Variants in IGSF11 observed in about 807,000 individuals in gnomAD.
IGSF11 encodes immunoglobulin superfamily member 11, also known as CXADR like 1.
In IGSF11, 22 loss-of-function variants were observed where a neutral mutation model predicts 41.0. That is an observed-to-expected ratio of 0.54 (90% CI 0.38 to 0.77). The LOEUF (loss-of-function observed/expected upper bound fraction) is 0.77. IGSF11 is among the 30% of genes least tolerant of loss of function. The pLI, the probability that IGSF11 is intolerant of heterozygous loss-of-function variation, is 0.00. For missense variants in IGSF11, 444 were observed against 530.8 expected (o/e 0.84, Z 1.61); for synonymous variants, 219 against 201.3 (o/e 1.09, Z -0.74).
chr3:119,003,875 T>C (rs56383459), intron 1 of IGSF11, among the ~76,000 whole-genome samples: 9,623 of 146,874 alleles, frequency 0.066, 408 homozygotes, highest in East Asian at 0.11. Flanking sequence ...CAGTATTTTA[T>C]TGAGGATTTT....
At position 119,034,751 on chromosome 3, in the gene IGSF11, G is replaced by C. The variant is rs1469204192; in HGVS notation, c.-169C>G. ...ACTGTCAGACCCACAGACGAGCCAA[G>C]TGCAGCTGCAGCGCCGCCCGGCTCC... On this transcript the variant is annotated 5_prime_UTR_variant, in exon 1 of 7. Transcript: ENST00000393775. 1.5e-6 allele frequency: 2 copies of C among 1,324,018 alleles called. No homozygotes were observed. The highest frequency in any genetic ancestry group is 3.1e-5 in the African/African-American group (2 of 65,010). The allele number at this position is 1,324,018 out of a possible 1,614,324, so 82.0% of individuals were successfully genotyped here.
upstream of IGSF11, among the ~76,000 whole-genome samples, chr3:119,109,936 T>G (rs147145272): frequency 0.23 from 35,524 of 152,174 alleles, 5,075 homozygotes; most frequent in Middle Eastern, 0.38. Context: ...CTAGTTTGAT[T>G]GCACTGTGGT....
intron 1 of IGSF11, among the ~76,000 whole-genome samples, chr3:119,055,071 CT>C (rs1309130863): frequency 2.0e-5 from 3 of 152,186 alleles, no homozygotes; most frequent in Non-Finnish European, 1.5e-5. Flanking sequence ...CAAACAGGGT[CT>C]GGAGTGGACC....
At chr3:119,081,108 G>A (rs767837340) in intron 1 of IGSF11, among the ~76,000 whole-genome samples, 1 of 152,028 alleles carries the variant, frequency 6.6e-6, no homozygotes, top group African/African-American at 2.4e-5. Flanking sequence ...ACAGCTGATT[G>A]AGCATTTGAC....
chr3:119,085,748 A>T (rs1448991858), intron 1 of IGSF11, among the ~76,000 whole-genome samples: 2 of 152,254 alleles, frequency 1.3e-5, no homozygotes, highest in East Asian at 1.9e-4. Flanking sequence ...GTAATAATAC[A>T]ATCAGAAGTG....
At chr3:118,916,131 G>A (rs1408991251) in intron 4 of IGSF11, among the ~76,000 whole-genome samples, 7 of 150,384 alleles carry the variant, frequency 4.7e-5, no homozygotes, top group Admixed American at 1.3e-4. Context: ...AGGAACAACC[G>A]GTAGCAGCCG....
At chr3:118,988,116 G>A (rs1347671469) in intron 1 of IGSF11, among the ~76,000 whole-genome samples, 1 of 152,152 alleles carries the variant, frequency 6.6e-6, no homozygotes, top group Non-Finnish European at 1.5e-5. Context: ...ACTGGGCCAA[G>A]AGCAGCTAAT....
intron 1 of IGSF11, among the ~76,000 whole-genome samples, chr3:119,124,852 A>G (rs1218400069): frequency 1.3e-5 from 2 of 152,184 alleles, no homozygotes; most frequent in Non-Finnish European, 2.9e-5. Context: ...GACTACCTCA[A>G]GGAGGTAATA....
At chr3:118,964,246 A>G (rs1366705578) in intron 1 of IGSF11, among the ~76,000 whole-genome samples, 2 of 152,174 alleles carry the variant, frequency 1.3e-5, no homozygotes, top group African/African-American at 4.8e-5. Context: ...AGTTTTTAAT[A>G]AAAGAGCAAC....
At chr3:119,087,890 T>C (rs2076702500) in intron 1 of IGSF11, among the ~76,000 whole-genome samples, 1 of 152,142 alleles carries the variant, frequency 6.6e-6, no homozygotes, top group African/African-American at 2.4e-5. Flanking sequence ...ATGCTAAATA[T>C]ATACCCACCC....
chr3:118,994,449 G>A (rs1264250447), intron 1 of IGSF11, among the ~76,000 whole-genome samples: 1 of 152,108 alleles, frequency 6.6e-6, no homozygotes, highest in Non-Finnish European at 1.5e-5. Context: ...TTGAGCCCAG[G>A]AGTTTGAGAC....
At chr3:118,939,972 AAAGAG>A (rs1943564082) in intron 1 of IGSF11, among the ~76,000 whole-genome samples, 1 of 152,206 alleles carries the variant, frequency 6.6e-6, no homozygotes, top group Non-Finnish European at 1.5e-5. Flanking sequence ...GACAAAGAAT[AAAGAG>A]AAAAGTCACA....
upstream of IGSF11, among the ~76,000 whole-genome samples, chr3:119,109,545 T>C (rs1002498793): frequency 6.6e-6 from 1 of 152,032 alleles, no homozygotes; most frequent in African/African-American, 2.4e-5. Context: ...AACCAGCTCC[T>C]GGATTCATTA....
chr3:119,056,302 T>G (rs1395780620), intron 1 of IGSF11, among the ~76,000 whole-genome samples: 1 of 152,208 alleles, frequency 6.6e-6, no homozygotes, highest in African/African-American at 2.4e-5. Flanking sequence ...CACCATCGAT[T>G]ACACAGAAAT....
At chr3:118,984,677 G>GA (rs1477548986) in intron 1 of IGSF11, among the ~76,000 whole-genome samples, 6 of 152,026 alleles carry the variant, frequency 3.9e-5, no homozygotes, top group Non-Finnish European at 5.9e-5. Flanking sequence ...TTGACAAGAA[G>GA]ATAATTAAGG....
chr3:119,084,323 C>T (rs2076635262), intron 1 of IGSF11, among the ~76,000 whole-genome samples: 1 of 152,064 alleles, frequency 6.6e-6, no homozygotes, highest in Middle Eastern at 3.2e-3. Context: ...GGGCTGGTTT[C>T]CTGCCTCCAA....
At chr3:119,027,916 T>TA (rs2107726937) in intron 1 of IGSF11, among the ~76,000 whole-genome samples, 1 of 152,310 alleles carries the variant, frequency 6.6e-6, no homozygotes, top group Admixed American at 6.5e-5. Flanking sequence ...CCTAAAATGT[T>TA]AGTCTGATTT....
At chr3:119,103,965 G>T (rs901721426) in intron 1 of IGSF11, among the ~76,000 whole-genome samples, 1 of 152,118 alleles carries the variant, frequency 6.6e-6, no homozygotes, top group Non-Finnish European at 1.5e-5. Context: ...TGTGGCTAAG[G>T]TTTATAGGTT....
At chr3:119,038,972 A>G (rs990549098), upstream of IGSF11, among the ~76,000 whole-genome samples, 3 of 152,198 alleles carry the variant, frequency 2.0e-5, no homozygotes, top group African/African-American at 7.2e-5. Flanking sequence ...TGAATAAAAC[A>G]TGGAAAACTA....
Sources: allele counts gnomAD v4.1 joint callset (sites outside exome capture counted in the v4.1 genomes callset), GRCh38; gene constraint gnomAD v4.1.1; transcripts MANE v1.5; gene names NCBI Gene and HGNC (gene_info 2026-07-23, HGNC 2026-07-21).